Variants in COL19A1 observed in about 807,000 individuals in gnomAD.
COL19A1 encodes the protein collagen alpha-1(XIX) chain.
In COL19A1, 159 loss-of-function variants were observed where a neutral mutation model predicts 190.2. That is an observed-to-expected ratio of 0.84 (90% CI 0.73 to 0.95). The LOEUF (loss-of-function observed/expected upper bound fraction) is 0.95. Among genes scored for constraint, COL19A1 ranks in the 40% least tolerant of loss-of-function variants. The pLI is 0.00. For missense variants in COL19A1, 1,418 were observed against 1,431.9 expected (o/e 0.99, Z 0.16); for synonymous variants, 509 against 458.9 (o/e 1.11, Z -1.39).
At chr6:70,037,796 T>C (rs550695052) in intron 14 of COL19A1, among the ~76,000 whole-genome samples, 1 of 152,206 alleles carries the variant, frequency 6.6e-6, no homozygotes, top group Non-Finnish European at 1.5e-5. Context: ...AGCTAGCTTC[T>C]TTCTGCCAAG....
chr6:70,037,467 A>T (rs1387216544), intron 14 of COL19A1, among the ~76,000 whole-genome samples: 2 of 152,130 alleles, frequency 1.3e-5, no homozygotes, highest in Non-Finnish European at 2.9e-5. Context: ...TACACTTTGT[A>T]GAATTAAAAA....
chr6:69,957,873 C>T (rs1180295517), intron 9 of COL19A1, among the ~76,000 whole-genome samples: 1 of 152,124 alleles, frequency 6.6e-6, no homozygotes, highest in Non-Finnish European at 1.5e-5. Flanking sequence ...CTTCTGTTGA[C>T]ATAAGGTAGG....
rs1277917464 is a variant in COL19A1, at chr6:69,938,071, C to A, written c.907C>A (p.Pro303Thr). The A allele has an allele frequency of 1.9e-6, 3 of 1,612,700 alleles. No individual in the cohort carries two copies. The highest frequency in any genetic ancestry group is 2.5e-6 in the Non-Finnish European group (3 of 1,179,158). The change falls in exon 9 of 51, where the codon CCT becomes ACT. Residue 303 changes from proline (P) to threonine (T), a missense_variant. Coordinates refer to ENST00000620364, the MANE Select transcript of COL19A1 (RefSeq NM_001858.6). ...EAGLPGAPGS[P>T]GQKGHKGEPG... ...AGGATTACCAGGAGCTCCGGGTTCA[C>A]CTGGGCAGAAAGGGCATAAAGGAGA...
At chr6:69,966,209 C>T (rs543957665) in intron 11 of COL19A1, among the ~76,000 whole-genome samples, 131 of 151,800 alleles carry the variant, frequency 8.6e-4, no homozygotes, top group African/African-American at 1.6e-3. Flanking sequence ...CACCTCTGCC[C>T]GGCCGCCCCG....
intron 11 of COL19A1, among the ~76,000 whole-genome samples, chr6:69,990,889 C>T (rs1009267759): frequency 1.4e-4 from 22 of 151,874 alleles, no homozygotes; most frequent in African/African-American, 4.8e-4. Context: ...CTTTTTCTTC[C>T]TTTTTCTGAC....
At chr6:70,191,488 G>C (rs1368044421) in intron 48 of COL19A1, among the ~76,000 whole-genome samples, 1 of 152,128 alleles carries the variant, frequency 6.6e-6, no homozygotes, top group Non-Finnish European at 1.5e-5. Flanking sequence ...CATTCTAGCT[G>C]TTGATAGAAA....
chr6:69,978,823 A>G (rs915175569), intron 11 of COL19A1, among the ~76,000 whole-genome samples: 1 of 151,756 alleles, frequency 6.6e-6, no homozygotes, highest in African/African-American at 2.4e-5. Context: ...GAAAATGAAT[A>G]CACAAAGAAT....
intron 31 of COL19A1, 70 bp from the exon 32 acceptor site, chr6:70,156,057 T>A: frequency 7.2e-7 from 1 of 1,393,186 alleles, no homozygotes; most frequent in Non-Finnish European, 9.8e-7. Flanking sequence ...AAACTTCACA[T>A]CACATGAAAC....
rs137947563 is a variant in COL19A1 at position 69,956,531 on chromosome 6, C to T, written c.937-3465C>T. On this transcript the variant is annotated intron_variant, in intron 9 of 50. Coordinates refer to ENST00000620364, the MANE Select transcript of COL19A1 (RefSeq NM_001858.6). ...ATAGGTTTTTAAAAATTTCCTGAAA[C>T]GTTTAATGGACTGCCAACAGTTTAA... Among the ~76,000 whole-genome samples, 388 of 151,952 alleles carry T rather than the reference C, an allele frequency of 2.6e-3. 3 individuals carry two copies. Among genetic ancestry groups the T allele is most frequent in the African/African-American group, 8.0e-3 (331 of 41,504 alleles).
intron 4 of COL19A1, among the ~76,000 whole-genome samples, chr6:69,902,639 G>A (rs181304051): frequency 6.6e-6 from 1 of 152,120 alleles, no homozygotes; most frequent in Non-Finnish European, 1.5e-5. Context: ...CTTATCAGTT[G>A]CCCATGGTTC....
chr6:70,129,477 T>C (rs1225786303), intron 17 of COL19A1, among the ~76,000 whole-genome samples: 1 of 152,182 alleles, frequency 6.6e-6, no homozygotes, highest in Non-Finnish European at 1.5e-5. Context: ...GAAACAGCCA[T>C]GATAAGAGAT....
chr6:70,092,241 G>T (rs1356378197), intron 15 of COL19A1, among the ~76,000 whole-genome samples: 1 of 151,980 alleles, frequency 6.6e-6, no homozygotes, highest in Non-Finnish European at 1.5e-5. Context: ...GTCCCAGGTT[G>T]TTGCTGAGGT....
At chr6:69,988,698 CCCT>C (rs1776440740) in intron 11 of COL19A1, among the ~76,000 whole-genome samples, 1 of 152,100 alleles carries the variant, frequency 6.6e-6, no homozygotes, top group Non-Finnish European at 1.5e-5. Flanking sequence ...AAACCTCTTC[CCCT>C]CCTCCCTCAG....
intron 15 of COL19A1, among the ~76,000 whole-genome samples, chr6:70,081,697 GA>G (rs1260624220): frequency 6.6e-6 from 1 of 152,140 alleles, no homozygotes; most frequent in Non-Finnish European, 1.5e-5. Context: ...AGATAATGTG[GA>G]AAATGACCAT....
chr6:70,139,925 T>C (rs76408302), intron 19 of COL19A1, among the ~76,000 whole-genome samples: 1 of 99,186 alleles, frequency 1.0e-5, no homozygotes, highest in African/African-American at 5.1e-5. Context: ...GGTTTTTCTC[T>C]TTTTTTTTTT....
At chr6:70,127,463 G>A (rs1258031350) in intron 17 of COL19A1, among the ~76,000 whole-genome samples, 1 of 152,112 alleles carries the variant, frequency 6.6e-6, no homozygotes, top group Non-Finnish European at 1.5e-5. Flanking sequence ...TGTCTCTTAA[G>A]AGAAGAGAAA....
chr6:69,966,741 T>C (rs1056780215), intron 11 of COL19A1, among the ~76,000 whole-genome samples: 89 of 146,424 alleles, frequency 6.1e-4, no homozygotes, highest in African/African-American at 2.2e-3. Flanking sequence ...TCCCCCTCTC[T>C]GAGAAACACC....
intron 6 of COL19A1, among the ~76,000 whole-genome samples, chr6:69,931,577 C>T (rs1018825254): frequency 6.6e-6 from 1 of 152,108 alleles, no homozygotes; most frequent in Admixed American, 6.6e-5. Context: ...CTAGAGTTCT[C>T]ATTCTTCATT....
chr6:70,034,086 G>A (rs1419101508), intron 12 of COL19A1, among the ~76,000 whole-genome samples, 159 bp from the exon 13 acceptor site: 1 of 152,164 alleles, frequency 6.6e-6, no homozygotes, highest in Admixed American at 6.5e-5. Context: ...CACAGATGTT[G>A]CTTATCATTT....
Sources: gnomAD v4.1 joint callset for allele counts (sites outside exome capture counted in the v4.1 genomes callset) on GRCh38, gnomAD v4.1.1 for gene constraint, MANE v1.5 for transcripts, NCBI Gene and HGNC (gene_info 2026-07-23, HGNC 2026-07-21) for gene names.